REELD1: variants seen among roughly 807,000 people sequenced by gnomAD.
REELD1 encodes reelin domain-containing protein 1.
REELD1 carries 12 observed loss-of-function variants against 6.3 expected under a neutral mutation model. The ratio of observed to expected loss-of-function variants is 1.89; its 90% CI spans 1.21 to 3.07. The LOEUF is 3.07. Among genes scored for constraint, REELD1 ranks in the 30% most tolerant of loss-of-function variants. The probability of loss-of-function intolerance (pLI) is 0.00; values close to 1 mark genes in which losing one functional copy is unlikely to be tolerated. For synonymous variants in REELD1, 57 were observed against 33.6 expected (o/e 1.70, Z -2.42); for missense variants, 163 against 86.8 (o/e 1.88, Z -3.49).
At position 146,228,259 on chromosome 4, in the gene REELD1, T is replaced by G. The variant is rs971514407; in HGVS notation, c.645T>G (p.Ala215=). The change falls in exon 6 of 8, where the codon GCT becomes GCG. Residue 215 remains alanine, a synonymous_variant. Transcript: ENST00000623665. ...CACAGCAGCACACACATGTCTTTGC[T>G]GTTGCCCTTCCTGGAGCTGCAGAGG... The part of the protein sequence containing the change: ...TLPQQHTHVF[A]VALPGAAEED... 11 of 702,490 alleles carry G rather than the reference T, an allele frequency of 1.6e-5. No homozygotes were observed. In the African/African-American group the frequency reaches 1.6e-4, roughly 10 times the overall value. 43.5% of individuals were successfully genotyped at this position (702,490 alleles called of 1,614,324 possible). A position where few individuals can be genotyped will look rare whatever the true frequency, so the allele number is the denominator to read the frequency against.
chr4:146,229,198 A>G lies in REELD1; in HGVS notation c.972+110A>G. The stretch of plus-strand genomic sequence containing the variant: ...TAGACTAGTAGCCAAAGTTAGAGAG[A>G]AGAAGGCAAAGTACAATATACACAC... On this transcript the variant is annotated intron_variant, in intron 7 of 7. Coordinates refer to ENST00000623665, the MANE Select transcript of REELD1 (RefSeq NM_001354631.1). 5 of 642,350 alleles carry G rather than the reference A, an allele frequency of 7.8e-6. No individual in the cohort carries two copies. The South Asian group carries it at 9.0e-5, about 12-fold the overall frequency. The allele number at this position is 642,350 out of a possible 1,614,324, so 39.8% of individuals were successfully genotyped here.
At chr4:146,224,015 T>G (rs995538461) in intron 4 of REELD1, among the ~76,000 whole-genome samples, 2 of 152,234 alleles carry the variant, frequency 1.3e-5, no homozygotes, top group Non-Finnish European at 2.9e-5. Flanking sequence ...TCCAATAGAA[T>G]CTACAATAAG....
Position 146,230,530 on chromosome 4 carries a change from G to T in REELD1, c.*17G>T, listed in dbSNP as rs1332381014. 1 of 398,494 alleles carries T rather than the reference G, an allele frequency of 2.5e-6. No individual in the cohort carries two copies. The highest frequency in any genetic ancestry group is 3.6e-5 in the East Asian group (1 of 28,086). 24.7% of individuals were successfully genotyped at this position (398,494 alleles called of 1,614,324 possible). On this transcript the variant is annotated 3_prime_UTR_variant, in exon 8 of 8. Coordinates refer to ENST00000623665, the MANE Select transcript of REELD1 (RefSeq NM_001354631.1). ...GTCCTCTGAGAAGACTGTCACCCCA[G>T]ACCTCTCAGTGGCCCTCCTTGGGCC...
intron 3 of REELD1, among the ~76,000 whole-genome samples, chr4:146,221,765 A>T (rs1403142288): frequency 1.3e-5 from 2 of 152,164 alleles, no homozygotes; most frequent in Non-Finnish European, 2.9e-5. Context: ...AGGCTGAGGC[A>T]GGAGAATCGC....
Position 146,231,156 on chromosome 4 carries a change from T to C in REELD1, c.*643T>C, listed in dbSNP as rs184338335. 6.6e-6 allele frequency among the ~76,000 whole-genome samples: 1 copy of C among 152,282 alleles called. No individual in the cohort carries two copies. Among genetic ancestry groups the C allele is most frequent in the East Asian group, 1.9e-4 (1 of 5,182 alleles). On this transcript the variant is annotated 3_prime_UTR_variant, in exon 8 of 8. Transcript: ENST00000623665. ...TTTTGAGAGCTTGATTGAACACATC[T>C]TCAGGAAAACATATACATGCAACAC...
chr4:146,216,089 A>G (rs1730821564), intron 2 of REELD1, among the ~76,000 whole-genome samples: 1 of 152,166 alleles, frequency 6.6e-6, no homozygotes, highest in Non-Finnish European at 1.5e-5. Context: ...GATAATCCTA[A>G]ATATTTATGT....
At chr4:146,215,651 A>ATTTT (rs3029290) in intron 2 of REELD1, among the ~76,000 whole-genome samples, 1,224 of 86,628 alleles carry the variant, frequency 0.014, 54 homozygotes, top group African/African-American at 0.018. Flanking sequence ...AGGGGAGGGC[A>ATTTT]TTTTTTTTTT....
chr4:146,221,161 C>A (rs899554089), intron 3 of REELD1, among the ~76,000 whole-genome samples: 6 of 152,216 alleles, frequency 3.9e-5, no homozygotes, highest in African/African-American at 1.4e-4. Flanking sequence ...ATTTCCAGAA[C>A]TTTTCCATCA....
chr4:146,229,199 A>G (rs754553095), intron 7 of REELD1, 111 bp downstream of exon 7: 106 of 646,268 alleles, frequency 1.6e-4, no homozygotes, highest in Non-Finnish European at 2.8e-4. Flanking sequence ...GTTAGAGAGA[A>G]GAAGGCAAAG....
chr4:146,219,413 G>A (rs577370077), intron 3 of REELD1, among the ~76,000 whole-genome samples: 1 of 152,246 alleles, frequency 6.6e-6, no homozygotes, highest in East Asian at 1.9e-4. Context: ...CTCCTTGAAG[G>A]TAAGGACCAT....
chr4:146,224,471 T>C lies in REELD1; in HGVS notation c.458T>C (p.Val153Ala), dbSNP rs1730984407. 2 of 667,332 alleles carry C rather than the reference T, an allele frequency of 3.0e-6. No homozygotes were observed. Among genetic ancestry groups the C allele is most frequent in the Non-Finnish European group, 2.7e-6 (1 of 363,702 alleles). 41.3% of individuals were successfully genotyped at this position (667,332 alleles called of 1,614,324 possible). The change falls in exon 5 of 8, where the codon GTT (valine) becomes GCT (alanine). Residue 153 changes from valine to alanine, a missense_variant. By Grantham distance (64) the Val-to-Ala change is moderately conservative (BLOSUM62 0). Transcript: ENST00000623665. Reference sequence around the variant, plus strand: ...TTATCAGTAGTCCAGTCATATTTTGTTTACTGGGCAAGGATTGAATCATCT... The same window carrying C: ...TTATCAGTAGTCCAGTCATATTTTGCTTACTGGGCAAGGATTGAATCATCT... Reference protein sequence around the residue: ...FLLSVVQSYFVYWARIESSVV... With the variant: ...FLLSVVQSYFAYWARIESSVV...
At chr4:146,227,099 G>C (rs1036537888) in intron 5 of REELD1, among the ~76,000 whole-genome samples, 4 of 152,130 alleles carry the variant, frequency 2.6e-5, no homozygotes, top group Non-Finnish European at 5.9e-5. Flanking sequence ...GACATGTAAG[G>C]GTGTCTCTTC....
intron 5 of REELD1, among the ~76,000 whole-genome samples, chr4:146,225,043 T>G (rs905232963): frequency 6.6e-6 from 1 of 152,246 alleles, no homozygotes; most frequent in African/African-American, 2.4e-5. Context: ...CAGTTTTTAT[T>G]GTTACTTTTC....
In REELD1 at chr4:146,217,042, G is replaced by A. The variant is rs1560722966; in HGVS notation, c.90G>A (p.Thr30=). The A allele has an allele frequency of 5.0e-6, 2 of 398,828 alleles. No homozygotes were observed. Among genetic ancestry groups the A allele is most frequent in the Non-Finnish European group, 8.8e-6 (2 of 226,298 alleles). 24.7% of individuals were successfully genotyped at this position (398,828 alleles called of 1,614,324 possible). ...CTGCCTTTTCCCATGGTGCCAGCACGGTGGCCTGTGATGACATGCAGCCCA... is the reference window on the plus strand; with the variant it reads ...CTGCCTTTTCCCATGGTGCCAGCACAGTGGCCTGTGATGACATGCAGCCCA... ...CSSAFSHGAS[T]VACDDMQPKH... Residue 30 remains threonine, a synonymous_variant, in exon 3 of 8, where the codon ACG becomes ACA. Transcript: ENST00000623665.
At chr4:146,227,500 C>A (rs1011174056) in intron 5 of REELD1, among the ~76,000 whole-genome samples, 1 of 152,238 alleles carries the variant, frequency 6.6e-6, no homozygotes, top group Admixed American at 6.5e-5. Context: ...ACGCTTCCAC[C>A]TCAATGAGTT....
chr4:146,225,788 C>A (rs1294826267), intron 5 of REELD1, among the ~76,000 whole-genome samples: 1 of 152,166 alleles, frequency 6.6e-6, no homozygotes, highest in Non-Finnish European at 1.5e-5. Flanking sequence ...CTATGCCTGA[C>A]TCCGCTGGAA....
chr4:146,220,542 T>A lies in REELD1; in HGVS notation c.209-1815T>A, dbSNP rs150530504. On this transcript the variant is annotated intron_variant, in intron 3 of 7. Transcript: ENST00000623665. The stretch of plus-strand genomic sequence containing the variant: ...AAGCCATTCAATGACATCATCTAGA[T>A]CCTAAGATTTTTCGATTTTCCTGCT... 3.2e-3 allele frequency among the ~76,000 whole-genome samples: 492 copies of A among 152,296 alleles called. 4 individuals carry two copies. The highest frequency in any genetic ancestry group is 0.011 in the African/African-American group (440 of 41,560).
chr4:146,228,874 C>T lies in REELD1; in HGVS notation c.909-151C>T, dbSNP rs1731075997. 4 of 586,476 alleles carry T rather than the reference C, an allele frequency of 6.8e-6. No individual in the cohort carries two copies. The Middle Eastern group carries it at 1.0e-3, about 153-fold the overall frequency. The allele number at this position is 586,476 out of a possible 1,614,324, so 36.3% of individuals were successfully genotyped here. ...TTTGCCACCATTCTCACTCATCTCT[C>T]CCCTTCCTCTTCTCTATGGTTCCTG... On this transcript the variant is annotated intron_variant, in intron 6 of 7. Transcript: ENST00000623665.
chr4:146,222,644 C>T (rs906850321), intron 4 of REELD1, 65 bp downstream of exon 4: 1 of 398,270 alleles, frequency 2.5e-6, no homozygotes, highest in African/African-American at 2.1e-5. Flanking sequence ...GGGAGCTTCT[C>T]TTTGCCCTGA....
Sources: gnomAD v4.1 joint callset for allele counts (sites outside exome capture counted in the v4.1 genomes callset) on GRCh38, gnomAD v4.1.1 for gene constraint, MANE v1.5 for transcripts, NCBI Gene and HGNC (gene_info 2026-07-23, HGNC 2026-07-21) for gene names.